The following NTRK3 variants were observed in gnomAD, a reference collection of about 807,000 sequenced individuals.
NTRK3 encodes the protein neurotrophic receptor tyrosine kinase 3, also known as NT-3 growth factor receptor.
In NTRK3, 24 loss-of-function variants were observed where a neutral mutation model predicts 91.7. That is an observed-to-expected ratio of 0.26 (90% confidence interval 0.19 to 0.37). NTRK3 has a LOEUF of 0.37. Ranked by LOEUF, NTRK3 falls within the 10% of genes least tolerant of loss-of-function variation. The pLI, the probability that NTRK3 is intolerant of heterozygous loss-of-function variation, is 1.00. For missense variants in NTRK3, 880 were observed against 1,068.9 expected (o/e 0.82, Z 2.46); for synonymous variants, 483 against 404.0 (o/e 1.20, Z -2.34).
At chr15:88,165,538 C>T (rs911257401) in intron 5 of NTRK3, among the ~76,000 whole-genome samples, 4 of 152,020 alleles carry the variant, frequency 2.6e-5, no homozygotes, top group African/African-American at 9.7e-5. Context: ...TGAGAGTAAA[C>T]TAAAGAAAAT....
chr15:88,076,879 G>A (rs533160238), intron 13 of NTRK3, among the ~76,000 whole-genome samples: 2 of 152,140 alleles, frequency 1.3e-5, no homozygotes, highest in Non-Finnish European at 1.5e-5. Flanking sequence ...GATCACCTGA[G>A]GTCAGGAGTT....
chr15:88,147,512 C>CTTT (rs2042996503), intron 5 of NTRK3, 109 bp from the exon 6 acceptor site: 1 of 287,414 alleles, frequency 3.5e-6, no homozygotes, highest in South Asian at 4.7e-5. Context: ...TTTCCTTCTT[C>CTTT]TTCTTCTTCT....
At chr15:87,957,620 C>A (rs774040636) in intron 14 of NTRK3, among the ~76,000 whole-genome samples, 24 of 130,376 alleles carry the variant, frequency 1.8e-4, no homozygotes, top group Non-Finnish European at 2.3e-4. Context: ...ACTATAATTA[C>A]GTTAACACAG....
intron 3 of NTRK3, among the ~76,000 whole-genome samples, chr15:88,239,454 T>C (rs1351893970): frequency 6.6e-6 from 1 of 152,196 alleles, no homozygotes; most frequent in Non-Finnish European, 1.5e-5. Flanking sequence ...TGACTTACTC[T>C]ACCTCCCAGA....
intron 13 of NTRK3, among the ~76,000 whole-genome samples, chr15:88,076,917 A>G (rs2047598790): frequency 6.6e-6 from 1 of 151,644 alleles, no homozygotes. Flanking sequence ...ACATGGTGAA[A>G]CCCCCACCTC....
chr15:88,145,323 A>C (rs1216518337), intron 6 of NTRK3, among the ~76,000 whole-genome samples: 4 of 152,208 alleles, frequency 2.6e-5, no homozygotes, highest in Non-Finnish European at 5.9e-5. Flanking sequence ...GACCCCTACC[A>C]GGGTGATTGC....
intron 17 of NTRK3, among the ~76,000 whole-genome samples, chr15:87,916,106 C>T (rs1338049897): frequency 1.3e-5 from 2 of 152,130 alleles, no homozygotes; most frequent in Admixed American, 1.3e-4. Flanking sequence ...TCCTCCTCCT[C>T]CTCCTCCTTC....
At chr15:88,082,984 G>A (rs2048191116) in intron 13 of NTRK3, among the ~76,000 whole-genome samples, 1 of 152,122 alleles carries the variant, frequency 6.6e-6, no homozygotes, top group African/African-American at 2.4e-5. Flanking sequence ...AAATTAAGAG[G>A]GAAGGATAAA....
chr15:87,906,863 A>G (rs1387197997), intron 17 of NTRK3, among the ~76,000 whole-genome samples: 1 of 151,922 alleles, frequency 6.6e-6, no homozygotes, highest in Non-Finnish European at 1.5e-5. Flanking sequence ...AATTTGCTAT[A>G]TACTTTACTT....
chr15:87,864,115 C>G (rs1259633453), exon 19 of NTRK3: 1 of 232,652 alleles, frequency 4.3e-6, no homozygotes, highest in Non-Finnish European at 8.5e-6. Flanking sequence ...CTGCTATTTT[C>G]TTTCACATTC....
intron 14 of NTRK3, among the ~76,000 whole-genome samples, chr15:87,947,003 C>T (rs78390210): frequency 0.23 from 34,220 of 151,092 alleles, 3,922 homozygotes; most frequent in South Asian, 0.24. Flanking sequence ...CTCAGACTCC[C>T]GAGTATCTGG....
At chr15:87,997,833 CCA>C (rs1423559266) in intron 14 of NTRK3, among the ~76,000 whole-genome samples, 1 of 152,104 alleles carries the variant, frequency 6.6e-6, no homozygotes, top group Non-Finnish European at 1.5e-5. Flanking sequence ...TCACACCATC[CCA>C]CACAACGTGT....
chr15:87,908,964 A>G (rs2066929787), intron 17 of NTRK3, among the ~76,000 whole-genome samples: 1 of 151,972 alleles, frequency 6.6e-6, no homozygotes, highest in African/African-American at 2.4e-5. Flanking sequence ...CTTGGAGAGG[A>G]AGTGGGTTCT....
At chr15:87,865,852 C>G (rs1489166699) in exon 19 of NTRK3, 1 of 228,060 alleles carries the variant, frequency 4.4e-6, no homozygotes, top group African/African-American at 2.2e-5. Flanking sequence ...TTTTTTAGAG[C>G]ATTCTCCATC....
chr15:88,160,050 G>C (rs1265407213), intron 5 of NTRK3, among the ~76,000 whole-genome samples: 6 of 151,474 alleles, frequency 4.0e-5, no homozygotes, highest in African/African-American at 1.5e-4. Context: ...AGAAACCAGA[G>C]AAAGTGAGAG....
chr15:87,890,003 G>C (rs2065772900), intron 17 of NTRK3, among the ~76,000 whole-genome samples: 2 of 149,594 alleles, frequency 1.3e-5, no homozygotes, highest in Admixed American at 1.3e-4. Context: ...ATGATCCCGG[G>C]TCACTTGTCC....
chr15:87,882,846 A>C (rs1482803974), intron 17 of NTRK3, among the ~76,000 whole-genome samples: 1 of 152,128 alleles, frequency 6.6e-6, no homozygotes, highest in Non-Finnish European at 1.5e-5. Context: ...GACTACAGAA[A>C]GGCGGAGTAG....
chr15:88,142,203 A>G (rs2042448573), intron 6 of NTRK3, among the ~76,000 whole-genome samples: 3 of 152,310 alleles, frequency 2.0e-5, no homozygotes, highest in African/African-American at 7.2e-5. Flanking sequence ...CCATTGAACC[A>G]GATCTCAAGC....
chr15:87,969,221 A>C (rs1338576163), intron 14 of NTRK3, among the ~76,000 whole-genome samples: 2 of 152,160 alleles, frequency 1.3e-5, no homozygotes, highest in Non-Finnish European at 2.9e-5. Flanking sequence ...CACTCATATC[A>C]GAGCAGGGGC....
Sources: allele counts gnomAD v4.1 joint callset (sites outside exome capture counted in the v4.1 genomes callset), GRCh38; gene constraint gnomAD v4.1.1; transcripts MANE v1.5; gene names NCBI Gene and HGNC (gene_info 2026-07-23, HGNC 2026-07-21).